Variants in GRAMD2B observed in about 807,000 individuals in gnomAD.
The protein encoded by GRAMD2B is GRAM domain containing 2B.
A neutral mutation model predicts 59.2 loss-of-function variants in GRAMD2B; 41 were observed. The observed-to-expected ratio is 0.69, with a 90% CI of 0.54 to 0.90. GRAMD2B has a LOEUF of 0.90. Among genes scored for constraint, GRAMD2B ranks in the 40% least tolerant of loss-of-function variants. The probability of loss-of-function intolerance (pLI) is 0.00; values close to 1 mark genes in which losing one functional copy is unlikely to be tolerated. For synonymous variants in GRAMD2B, 161 were observed against 182.7 expected, an observed-to-expected ratio of 0.88 and a Z score of 0.96; for missense variants, 424 against 500.5, an observed-to-expected ratio of 0.85 and a Z score of 1.46.
chr5:126,361,389 A>T (rs1318775850), intron 1 of GRAMD2B, among the ~76,000 whole-genome samples: 1 of 152,102 alleles, frequency 6.6e-6, no homozygotes, highest in Non-Finnish European at 1.5e-5. Context: ...GGATTCTACA[A>T]ACCTGCATTT....
At chr5:126,455,735 G>T (rs1005250879) in intron 1 of GRAMD2B, among the ~76,000 whole-genome samples, 2 of 152,004 alleles carry the variant, frequency 1.3e-5, no homozygotes, top group Admixed American at 1.3e-4. Flanking sequence ...CTAGTTTCTC[G>T]TACTGAAATA....
At chr5:126,371,301 C>A, upstream of GRAMD2B, 1 of 1,131,350 alleles carries the variant, frequency 8.8e-7, no homozygotes, top group Non-Finnish European at 1.1e-6. Flanking sequence ...ATAGCCTCAG[C>A]TAGATTGAGT....
chr5:126,411,435 G>T (rs1758779580), intron 1 of GRAMD2B, among the ~76,000 whole-genome samples: 1 of 151,988 alleles, frequency 6.6e-6, no homozygotes, highest in Non-Finnish European at 1.5e-5. Context: ...TGATTTGTGG[G>T]TTCTCTATTC....
chr5:126,384,429 T>A (rs1017077272), intron 1 of GRAMD2B, among the ~76,000 whole-genome samples: 3 of 152,190 alleles, frequency 2.0e-5, no homozygotes, highest in Non-Finnish European at 4.4e-5. Context: ...CCTTGCCTAA[T>A]GTAAAAAACT....
intron 1 of GRAMD2B, among the ~76,000 whole-genome samples, chr5:126,371,732 A>G (rs1488362335): frequency 2.0e-5 from 3 of 152,236 alleles, no homozygotes; most frequent in Non-Finnish European, 2.9e-5. Context: ...CGAAGGGGGT[A>G]TGTAATAAGG....
chr5:126,376,134 G>C (rs978809553), intron 1 of GRAMD2B, among the ~76,000 whole-genome samples: 2 of 152,188 alleles, frequency 1.3e-5, no homozygotes, highest in African/African-American at 4.8e-5. Flanking sequence ...GAAGCTTTTG[G>C]AGATTTATTA....
At chr5:126,427,094 G>A (rs76272573) in intron 1 of GRAMD2B, among the ~76,000 whole-genome samples, 2 of 152,274 alleles carry the variant, frequency 1.3e-5, no homozygotes, top group African/African-American at 4.8e-5. Flanking sequence ...CAAGAGGCCA[G>A]AATACCCTTG....
intron 13 of GRAMD2B, among the ~76,000 whole-genome samples, chr5:126,491,569 A>G (rs1432154218): frequency 6.6e-6 from 1 of 152,138 alleles, no homozygotes; most frequent in African/African-American, 2.4e-5. Context: ...GCTGGCACTT[A>G]CATATCAGAT....
chr5:126,435,508 G>C (rs1762267619), intron 1 of GRAMD2B, among the ~76,000 whole-genome samples: 1 of 152,194 alleles, frequency 6.6e-6, no homozygotes, highest in Non-Finnish European at 1.5e-5. Flanking sequence ...AGAGCCCCCG[G>C]TTAGGTGTCC....
At chr5:126,398,344 A>G (rs889433144) in intron 1 of GRAMD2B, among the ~76,000 whole-genome samples, 11 of 151,936 alleles carry the variant, frequency 7.2e-5, no homozygotes, top group African/African-American at 2.7e-4. Flanking sequence ...CTGTATCTTC[A>G]TGATTCAGTT....
intron 1 of GRAMD2B, among the ~76,000 whole-genome samples, chr5:126,405,268 C>T (rs569320981): frequency 4.0e-4 from 61 of 152,022 alleles, no homozygotes; most frequent in African/African-American, 1.5e-3. Flanking sequence ...GGATTGATGA[C>T]ATTATCTCTA....
chr5:126,466,343 C>A, intron 2 of GRAMD2B: 2 of 1,195,730 alleles, frequency 1.7e-6, no homozygotes, highest in Non-Finnish European at 2.4e-6. Context: ...AAGAGTAAGT[C>A]TTAACTCCTC....
At chr5:126,368,607 T>C (rs920764669), upstream of GRAMD2B, among the ~76,000 whole-genome samples, 1 of 152,200 alleles carries the variant, frequency 6.6e-6, no homozygotes, top group Admixed American at 6.5e-5. Context: ...TTGAATGCCC[T>C]GAGGGAGGCA....
intron 1 of GRAMD2B, among the ~76,000 whole-genome samples, chr5:126,429,537 TAAAGA>T (rs1469013571): frequency 2.0e-5 from 3 of 152,076 alleles, no homozygotes; most frequent in African/African-American, 7.2e-5. Context: ...ACTTCAATGT[TAAAGA>T]AAAAAGTAAA....
At chr5:126,454,677 G>C (rs1054872108) in intron 1 of GRAMD2B, among the ~76,000 whole-genome samples, 5 of 152,126 alleles carry the variant, frequency 3.3e-5, no homozygotes, top group African/African-American at 1.2e-4. Flanking sequence ...GAACAGAGGG[G>C]TCTTCTTTGA....
chr5:126,371,680 T>C (rs1340097684), intron 1 of GRAMD2B: 1 of 1,001,864 alleles, frequency 1.0e-6, no homozygotes, highest in East Asian at 6.7e-5. Context: ...GGATCAGCCA[T>C]GGGAAGAGAA....
chr5:126,370,968 C>T (rs1234071906), upstream of GRAMD2B, among the ~76,000 whole-genome samples: 5 of 152,362 alleles, frequency 3.3e-5, no homozygotes, highest in East Asian at 9.6e-4. Context: ...GCAACACACA[C>T]AGTGTGCTGG....
At chr5:126,386,147 G>T (rs1485721841) in intron 1 of GRAMD2B, among the ~76,000 whole-genome samples, 2 of 152,122 alleles carry the variant, frequency 1.3e-5, no homozygotes, top group Non-Finnish European at 2.9e-5. Flanking sequence ...TTTGGTTGAC[G>T]TAGATGCTGA....
intron 1 of GRAMD2B, among the ~76,000 whole-genome samples, chr5:126,415,617 C>A (rs879618028): frequency 2.0e-5 from 3 of 152,132 alleles, no homozygotes; most frequent in African/African-American, 7.2e-5. Flanking sequence ...TAAAATAAAT[C>A]TGTGGCTACT....
Sources: allele counts gnomAD v4.1 joint callset (sites outside exome capture counted in the v4.1 genomes callset), GRCh38; gene constraint gnomAD v4.1.1; transcripts MANE v1.5; gene names NCBI Gene and HGNC (gene_info 2026-07-23, HGNC 2026-07-21).